The following TNIK variants were observed in gnomAD, a reference collection of about 807,000 sequenced individuals.
TNIK encodes TRAF2 and NCK interacting kinase, also known as TRAF2 and NCK-interacting protein kinase.
TNIK carries 49 observed loss-of-function variants against 191.3 expected under a neutral mutation model. That is an observed-to-expected ratio of 0.26 (90% CI 0.20 to 0.32). The LOEUF (loss-of-function observed/expected upper bound fraction) is 0.32. Ranked by LOEUF, TNIK falls within the 10% of genes least tolerant of loss-of-function variation. The pLI is 1.00. For synonymous variants in TNIK, 594 were observed against 600.9 expected (o/e 0.99, Z 0.17); for missense variants, 1,155 against 1,702.3 (o/e 0.68, Z 5.66).
intron 2 of TNIK, among the ~76,000 whole-genome samples, chr3:171,230,838 C>T (rs1743531587): frequency 6.6e-6 from 1 of 152,176 alleles, no homozygotes; most frequent in African/African-American, 2.4e-5. Context: ...CTTCCTTCCT[C>T]TCTCCCTTCC....
chr3:171,303,784 T>TA (rs1489432707), intron 2 of TNIK, among the ~76,000 whole-genome samples: 8 of 152,214 alleles, frequency 5.3e-5, no homozygotes, highest in African/African-American at 1.9e-4. Flanking sequence ...ACTCTATACA[T>TA]AGCCCCCTGA....
At chr3:171,308,567 T>A (rs1340238110) in intron 2 of TNIK, among the ~76,000 whole-genome samples, 1 of 152,124 alleles carries the variant, frequency 6.6e-6, no homozygotes, top group Non-Finnish European at 1.5e-5. Context: ...AAATAGGACC[T>A]AATTAAATCA....
At chr3:171,306,831 C>T (rs899983565) in intron 2 of TNIK, among the ~76,000 whole-genome samples, 2 of 151,986 alleles carry the variant, frequency 1.3e-5, no homozygotes, top group South Asian at 2.1e-4. Flanking sequence ...ATTCCATGCT[C>T]GGCTTTTCTT....
intron 2 of TNIK, among the ~76,000 whole-genome samples, chr3:171,249,452 G>A (rs1216097187): frequency 2.6e-5 from 4 of 152,186 alleles, no homozygotes; most frequent in Admixed American, 1.3e-4. Flanking sequence ...AGAGTGGCCT[G>A]CTGCCAACTT....
At chr3:171,255,888 C>T (rs1364347093) in intron 2 of TNIK, among the ~76,000 whole-genome samples, 4 of 152,112 alleles carry the variant, frequency 2.6e-5, no homozygotes, top group African/African-American at 9.7e-5. Context: ...GAAATTCATC[C>T]CATCTCCTTG....
chr3:171,165,435 A>AG (rs1296955726), intron 10 of TNIK, among the ~76,000 whole-genome samples: 6 of 149,138 alleles, frequency 4.0e-5, no homozygotes, highest in Non-Finnish European at 5.9e-5. Context: ...AAAAAAAAAA[A>AG]AGGAACTCTT....
intron 3 of TNIK, chr3:171,225,490 CTA>C (rs1183249846): frequency 6.6e-6 from 3 of 452,852 alleles, no homozygotes; most frequent in South Asian, 4.7e-5. Context: ...AGCATCCACT[CTA>C]TGTAATGGAT....
intron 2 of TNIK, among the ~76,000 whole-genome samples, chr3:171,329,070 G>A (rs934521134): frequency 2.6e-5 from 4 of 152,112 alleles, no homozygotes; most frequent in Non-Finnish European, 4.4e-5. Flanking sequence ...CTTCTCTGAA[G>A]CAAGAATCCC....
intron 16 of TNIK, among the ~76,000 whole-genome samples, chr3:171,126,997 G>A (rs1466998070): frequency 6.6e-6 from 1 of 152,212 alleles, no homozygotes; most frequent in Non-Finnish European, 1.5e-5. Context: ...TTATCTAAGC[G>A]TGTCTCCTAT....
chr3:171,435,039 A>G (rs1026627228), intron 1 of TNIK, among the ~76,000 whole-genome samples: 1 of 152,204 alleles, frequency 6.6e-6, no homozygotes, highest in Non-Finnish European at 1.5e-5. Flanking sequence ...CAGATGCTCA[A>G]TAATGTAGGG....
rs145829145 is a variant in TNIK at position 171,060,329 on chromosome 3, A to G, written c.*3552T>C. ...TGGACAGGAGGGACCAGAGACACCA[A>G]TTACCAATGAGTCACAAGAACAGAC... On this transcript the variant is annotated 3_prime_UTR_variant, in exon 33 of 33. Coordinates refer to ENST00000436636, the MANE Select transcript of TNIK (RefSeq NM_015028.4). Among the ~76,000 whole-genome samples, 385 of 152,300 alleles carry G rather than the reference A, an allele frequency of 2.5e-3. 1 individual carries two copies. The highest frequency in any genetic ancestry group is 8.7e-3 in the African/African-American group (363 of 41,564).
At chr3:171,238,098 C>T (rs1382412427) in intron 2 of TNIK, among the ~76,000 whole-genome samples, 2 of 152,166 alleles carry the variant, frequency 1.3e-5, no homozygotes, top group South Asian at 2.1e-4. Flanking sequence ...ACTGCATTTG[C>T]GATTGTGATT....
At chr3:171,134,225 C>G (rs1428442082) in intron 15 of TNIK, among the ~76,000 whole-genome samples, 2 of 152,232 alleles carry the variant, frequency 1.3e-5, no homozygotes, top group African/African-American at 2.4e-5. Context: ...TACCTGACAT[C>G]CATCTCAACT....
intron 2 of TNIK, among the ~76,000 whole-genome samples, chr3:171,288,038 A>G (rs2108223485): frequency 6.6e-6 from 1 of 150,862 alleles, no homozygotes; most frequent in Middle Eastern, 3.4e-3. Context: ...TGAAATTGGA[A>G]ACCATCATTC....
chr3:171,179,057 G>C (rs973316357), intron 7 of TNIK, among the ~76,000 whole-genome samples: 2 of 152,196 alleles, frequency 1.3e-5, no homozygotes, highest in Non-Finnish European at 2.9e-5. Flanking sequence ...CTGAGAGCAG[G>C]TGGCTGGGGC....
intron 18 of TNIK, among the ~76,000 whole-genome samples, chr3:171,117,811 A>G (rs1019645144): frequency 2.6e-5 from 4 of 152,112 alleles, no homozygotes; most frequent in African/African-American, 9.7e-5. Flanking sequence ...TCTACTAAAA[A>G]TACAAAAAAT....
chr3:171,190,922 T>C, intron 5 of TNIK, 135 bp from the exon 6 acceptor site: 2 of 610,974 alleles, frequency 3.3e-6, no homozygotes, highest in Non-Finnish European at 2.8e-6. Flanking sequence ...ACATCTTTCA[T>C]GTGCTCATAG....
chr3:171,298,510 T>C (rs1305370906), intron 2 of TNIK, among the ~76,000 whole-genome samples: 1 of 152,216 alleles, frequency 6.6e-6, no homozygotes. Context: ...CAGTAACTTG[T>C]GGCCAGAAGT....
At chr3:171,310,228 G>A (rs1331912017) in intron 2 of TNIK, among the ~76,000 whole-genome samples, 1 of 151,996 alleles carries the variant, frequency 6.6e-6, no homozygotes, top group Admixed American at 6.6e-5. Context: ...TTGAAGCTAT[G>A]GACTTGTCTG....
Sources: gnomAD v4.1 joint callset for allele counts (sites outside exome capture counted in the v4.1 genomes callset) on GRCh38, gnomAD v4.1.1 for gene constraint, MANE v1.5 for transcripts, NCBI Gene and HGNC (gene_info 2026-07-23, HGNC 2026-07-21) for gene names.